The following CUL3 variants were observed in gnomAD, a reference collection of about 807,000 sequenced individuals.
CUL3 encodes the protein cullin-3.
In CUL3, 19 loss-of-function variants were observed where a neutral mutation model predicts 89.1. That is an observed-to-expected ratio of 0.21 (90% CI 0.15 to 0.31). CUL3 has a LOEUF of 0.31. Ranked by LOEUF, CUL3 falls within the 10% of genes least tolerant of loss-of-function variation. CUL3 has a pLI of 1.00. For missense variants in CUL3, 469 were observed against 942.3 expected, an observed-to-expected ratio of 0.50 and a Z score of 6.58; for synonymous variants, 351 against 308.4, an observed-to-expected ratio of 1.14 and a Z score of -1.45.
chr2:224,503,568 A>G (rs1252490412), intron 9 of CUL3, 84 bp downstream of exon 9: 3 of 1,151,740 alleles, frequency 2.6e-6, no homozygotes, highest in Non-Finnish European at 2.4e-6. Context: ...TAATCTACCA[A>G]ATTAATTTCC....
intron 10 of CUL3, among the ~76,000 whole-genome samples, chr2:224,501,825 C>T (rs968389559): frequency 1.3e-5 from 2 of 152,104 alleles, no homozygotes; most frequent in African/African-American, 2.4e-5. Context: ...GGATCTAGCC[C>T]AATCTTCCCT....
At chr2:224,539,423 C>T (rs1694012437) in intron 2 of CUL3, among the ~76,000 whole-genome samples, 1 of 152,166 alleles carries the variant, frequency 6.6e-6, no homozygotes, top group Non-Finnish European at 1.5e-5. Context: ...CATACTCTTA[C>T]CATATAATCT....
chr2:224,557,902 A>AC (rs1559221667), intron 1 of CUL3, 46 bp from the exon 2 acceptor site: 1 of 1,099,336 alleles, frequency 9.1e-7, no homozygotes, highest in East Asian at 2.6e-5. Context: ...AAAAAAAAAA[A>AC]AAACCAATGG....
chr2:224,494,735 TA>T (rs1332036901), intron 13 of CUL3, among the ~76,000 whole-genome samples: 4 of 152,086 alleles, frequency 2.6e-5, no homozygotes, highest in African/African-American at 9.7e-5. Context: ...TTATACTATA[TA>T]AAAAAATTAA....
At chr2:224,515,645 C>A (rs1173545748) in intron 3 of CUL3, among the ~76,000 whole-genome samples, 1 of 152,156 alleles carries the variant, frequency 6.6e-6, no homozygotes, top group South Asian at 2.1e-4. Flanking sequence ...ATGAACAGAG[C>A]TCTACCATAT....
chr2:224,523,353 A>T (rs2106240880), intron 3 of CUL3, among the ~76,000 whole-genome samples: 1 of 152,016 alleles, frequency 6.6e-6, no homozygotes, highest in South Asian at 2.1e-4. Context: ...GAAAATAAAA[A>T]ACTACCACCT....
chr2:224,479,728 G>A (rs1691459323), intron 14 of CUL3: 1 of 152,298 alleles, frequency 6.6e-6, no homozygotes, highest in Admixed American at 6.5e-5. Context: ...CAGGGAGGAA[G>A]ACAAAATTCT....
chr2:224,546,461 A>C lies in CUL3; in HGVS notation c.265-10820T>G, dbSNP rs185089898. On this transcript the variant is annotated intron_variant, in intron 2 of 15. Transcript: ENST00000264414. ...AGAGGTATTACCCCACACAGAGAAA[A>C]AAAAAATGGATCTCAGCTATTTGTG... Among the ~76,000 whole-genome samples, 199 of 152,272 alleles carry C rather than the reference A, an allele frequency of 1.3e-3. 1 individual carries two copies. Among genetic ancestry groups the C allele is most frequent in the Middle Eastern group, 3.4e-3 (1 of 294 alleles).
chr2:224,502,938 T>C, intron 10 of CUL3, 27 bp downstream of exon 10: 1 of 1,502,194 alleles, frequency 6.7e-7, no homozygotes, highest in African/African-American at 1.4e-5. Context: ...CATGAATATC[T>C]AAGTAGAAAT....
chr2:224,567,461 C>T (rs1028686269), intron 1 of CUL3, among the ~76,000 whole-genome samples: 4 of 152,150 alleles, frequency 2.6e-5, no homozygotes, highest in East Asian at 1.9e-4. Context: ...AGGCTTCGGC[C>T]GGGCACGGTG....
chr2:224,544,692 A>C (rs988437440), intron 2 of CUL3, among the ~76,000 whole-genome samples: 1 of 150,846 alleles, frequency 6.6e-6, no homozygotes, highest in African/African-American at 2.4e-5. Flanking sequence ...AGATTTCAAA[A>C]TTTTTCCACC....
intron 2 of CUL3, among the ~76,000 whole-genome samples, chr2:224,548,183 A>G (rs1694374551): frequency 6.6e-6 from 1 of 152,240 alleles, no homozygotes; most frequent in Admixed American, 6.5e-5. Context: ...AGTGCTTAGA[A>G]CAGATTATGA....
At chr2:224,522,663 T>TAAAAAATACA (rs981114200) in intron 3 of CUL3, among the ~76,000 whole-genome samples, 10 of 151,790 alleles carry the variant, frequency 6.6e-5, no homozygotes, top group African/African-American at 2.4e-4. Context: ...CCATCTCTAC[T>TAAAAAATACA]AAAAAATACA....
chr2:224,509,855 C>T (rs769031503), intron 6 of CUL3, among the ~76,000 whole-genome samples: 73 of 152,186 alleles, frequency 4.8e-4, no homozygotes, highest in Non-Finnish European at 8.8e-4. Context: ...TGCATAAAGT[C>T]CCAGTCTACC....
chr2:224,548,780 T>C (rs900674744), intron 2 of CUL3, among the ~76,000 whole-genome samples: 3 of 151,178 alleles, frequency 2.0e-5, no homozygotes, highest in Non-Finnish European at 4.4e-5. Context: ...GATGGATCAC[T>C]TGAGCCCTGG....
chr2:224,545,729 G>A (rs1308983185), intron 2 of CUL3, among the ~76,000 whole-genome samples: 1 of 152,220 alleles, frequency 6.6e-6, no homozygotes, highest in South Asian at 2.1e-4. Context: ...AGGGGAGAAG[G>A]GGGAGCCTAA....
intron 3 of CUL3, among the ~76,000 whole-genome samples, chr2:224,523,506 A>T (rs774564715): frequency 1.3e-5 from 2 of 152,228 alleles, no homozygotes; most frequent in Non-Finnish European, 2.9e-5. Flanking sequence ...AAAGCAATAT[A>T]GCAGTTCCTC....
rs746901140 is a variant in CUL3, at chr2:224,524,292, A to G, written c.379-9520T>C. Among the ~76,000 whole-genome samples the G allele has an allele frequency of 6.6e-5, 10 of 152,222 alleles. No homozygotes were observed. In the East Asian group the frequency reaches 1.2e-3, roughly 18 times the overall value. On this transcript the variant is annotated intron_variant, in intron 3 of 15. Transcript: ENST00000264414. ...CAGAAAGACAAAAGTGGAGTTGGTT[A>G]CCAAGCAGCTAGGACTTAAGATGTC...
Position 224,557,862 on chromosome 2 carries a change from AT to A in CUL3, c.67-7del, listed in dbSNP as rs1436295450. The A allele has an allele frequency of 1.1e-6, 1 of 910,074 alleles. No individual in the cohort carries two copies. The highest frequency in any genetic ancestry group is 2.0e-5 in the Admixed American group (1 of 50,636). The allele number at this position is 910,074 out of a possible 1,614,324, so 56.4% of individuals were successfully genotyped here. ...TATTTTTCATCCATGGTCATCTGTA[AT>A]ATCCAAGAGAGAGAAGAGACAAAAA... On this transcript the variant is annotated splice_polypyrimidine_tract_variant and splice_region_variant and intron_variant, in intron 1 of 15. Coordinates refer to ENST00000264414, the MANE Select transcript of CUL3 (RefSeq NM_003590.5).
Sources: gnomAD v4.1 joint callset for allele counts (sites outside exome capture counted in the v4.1 genomes callset) on GRCh38, gnomAD v4.1.1 for gene constraint, MANE v1.5 for transcripts, NCBI Gene and HGNC (gene_info 2026-07-23, HGNC 2026-07-21) for gene names.